The following LRRC4C variants were observed in gnomAD, a reference collection of about 807,000 sequenced individuals.
LRRC4C encodes the protein leucine rich repeat containing 4C.
A neutral mutation model predicts 33.6 loss-of-function variants in LRRC4C; 5 were observed. That is an observed-to-expected ratio of 0.15 (90% CI 0.08 to 0.31). The LOEUF (loss-of-function observed/expected upper bound fraction) is 0.31. Among genes scored for constraint, LRRC4C ranks in the 10% least tolerant of loss-of-function variants. The probability of loss-of-function intolerance (pLI) is 1.00; values close to 1 mark genes in which losing one functional copy is unlikely to be tolerated. For synonymous variants in LRRC4C, 329 were observed against 302.0 expected (o/e 1.09, Z -0.93); for missense variants, 560 against 796.7 (o/e 0.70, Z 3.58).
At position 41,006,380 on chromosome 11, in the gene LRRC4C, T is replaced by G. The variant is rs144230273; in HGVS notation, c.-495-72657A>C. ...TCAGAGTTGCAGAGTCTTACCCCAGTGCTGTGGCAACCACATAATTTGGCC... is the reference window on the plus strand; with the variant it reads ...TCAGAGTTGCAGAGTCTTACCCCAGGGCTGTGGCAACCACATAATTTGGCC... On this transcript the variant is annotated intron_variant, in intron 1 of 6. Coordinates refer to ENST00000528697, the MANE Select transcript of LRRC4C (RefSeq NM_001258419.2). Among the ~76,000 whole-genome samples, 610 of 152,316 alleles carry G rather than the reference T, an allele frequency of 4.0e-3. 3 individuals carry two copies. Among genetic ancestry groups the G allele is most frequent in the African/African-American group, 0.014 (580 of 41,572 alleles).
At chr11:40,131,692 A>G (rs1020302340) in intron 6 of LRRC4C, among the ~76,000 whole-genome samples, 5 of 152,192 alleles carry the variant, frequency 3.3e-5, no homozygotes, top group Non-Finnish European at 2.9e-5. Context: ...ATGAGTTAAT[A>G]TAGAAAGCTT....
Position 40,723,052 on chromosome 11 carries a change from A to T in LRRC4C, c.-406-74774T>A, listed in dbSNP as rs1027819262. Among the ~76,000 whole-genome samples the T allele has an allele frequency of 1.4e-4, 21 of 152,256 alleles. No homozygotes were observed. The South Asian group carries it at 4.1e-3, about 30-fold the overall frequency. On this transcript the variant is annotated intron_variant, in intron 2 of 6. Coordinates refer to ENST00000528697, the MANE Select transcript of LRRC4C (RefSeq NM_001258419.2). ...AAATCAATCTGATCAGACAAAAATA[A>T]AGAAAAAATAAATTTTTAAAAATGA...
At chr11:40,543,446 C>T (rs1565489699) in intron 3 of LRRC4C, among the ~76,000 whole-genome samples, 1 of 151,980 alleles carries the variant, frequency 6.6e-6, no homozygotes, top group Non-Finnish European at 1.5e-5. Context: ...TATTATAATT[C>T]TTGTGTTTGC....
intron 1 of LRRC4C, among the ~76,000 whole-genome samples, chr11:41,237,036 T>A (rs544868141): frequency 6.6e-6 from 1 of 152,322 alleles, no homozygotes; most frequent in South Asian, 2.1e-4. Flanking sequence ...AAAACTACAG[T>A]GCTTGCTCAT....
In LRRC4C at chr11:41,304,051, G is replaced by C. The variant is rs1197633742; in HGVS notation, c.-496+155380C>G. 2.1e-4 allele frequency among the ~76,000 whole-genome samples: 15 copies of C among 72,850 alleles called. 3 individuals carry two copies. Among genetic ancestry groups the C allele is most frequent in the Non-Finnish European group, 4.4e-4 (13 of 29,280 alleles). 47.8% of individuals were successfully genotyped at this position (72,850 alleles called of 152,430 possible). Reference sequence around the variant, plus strand: ...GCCCCATCCGGGAGGGAGGTGGGGGGTCAGCCCCCCGCCCAGCCAGCCACC... The same window carrying C: ...GCCCCATCCGGGAGGGAGGTGGGGGCTCAGCCCCCCGCCCAGCCAGCCACC... On this transcript the variant is annotated intron_variant, in intron 1 of 6. Coordinates refer to ENST00000528697, the MANE Select transcript of LRRC4C (RefSeq NM_001258419.2).
At chr11:41,022,420 CT>C (rs1856049947) in intron 1 of LRRC4C, among the ~76,000 whole-genome samples, 1 of 151,792 alleles carries the variant, frequency 6.6e-6, no homozygotes, top group Non-Finnish European at 1.5e-5. Context: ...GGAGATTTGC[CT>C]TTTACATAGA....
At chr11:40,391,703 A>T (rs1013936535) in intron 3 of LRRC4C, among the ~76,000 whole-genome samples, 1 of 152,178 alleles carries the variant, frequency 6.6e-6, no homozygotes, top group Non-Finnish European at 1.5e-5. Flanking sequence ...TTACCGGTCA[A>T]ATGTTGATAA....
At chr11:40,342,064 T>C (rs11035788) in intron 3 of LRRC4C, among the ~76,000 whole-genome samples, 24,112 of 151,954 alleles carry the variant, frequency 0.16, 2,265 homozygotes, top group East Asian at 0.3. Context: ...AGCCAAGTCA[T>C]ATGGTTGTCA....
intron 2 of LRRC4C, among the ~76,000 whole-genome samples, chr11:40,878,783 G>C (rs1955036953): frequency 6.6e-6 from 1 of 152,210 alleles, no homozygotes; most frequent in Admixed American, 6.5e-5. Flanking sequence ...GCTGTGTGGT[G>C]TCTCTGCCTT....
intron 3 of LRRC4C, among the ~76,000 whole-genome samples, chr11:40,554,422 A>G (rs1043707935): frequency 2.0e-5 from 3 of 152,132 alleles, no homozygotes; most frequent in African/African-American, 7.2e-5. Flanking sequence ...CTTTTTGCTT[A>G]TAATTGCTTT....
At chr11:40,987,852 G>C (rs2137196582) in intron 1 of LRRC4C, among the ~76,000 whole-genome samples, 1 of 151,766 alleles carries the variant, frequency 6.6e-6, no homozygotes, top group East Asian at 1.9e-4. Context: ...TTGAAAAATA[G>C]TGCCATGCTG....
intron 1 of LRRC4C, among the ~76,000 whole-genome samples, chr11:41,092,168 T>G (rs866385203): frequency 2.0e-5 from 3 of 152,318 alleles, no homozygotes; most frequent in Middle Eastern, 3.4e-3. Context: ...CCATTTTTTG[T>G]ATGGTTCAAT....
At chr11:40,501,599 A>T (rs1954775656) in intron 3 of LRRC4C, among the ~76,000 whole-genome samples, 1 of 152,138 alleles carries the variant, frequency 6.6e-6, no homozygotes, top group African/African-American at 2.4e-5. Flanking sequence ...CCTGATCTGT[A>T]CCTTGGCTCT....
At chr11:40,207,627 AG>A (rs1211372251) in intron 5 of LRRC4C, among the ~76,000 whole-genome samples, 1 of 152,220 alleles carries the variant, frequency 6.6e-6, no homozygotes, top group Non-Finnish European at 1.5e-5. Context: ...AGGAGAGTCA[AG>A]GGATGGCAAG....
chr11:40,975,514 C>T (rs1393573854), intron 1 of LRRC4C, among the ~76,000 whole-genome samples: 1 of 152,220 alleles, frequency 6.6e-6, no homozygotes, highest in Non-Finnish European at 1.5e-5. Flanking sequence ...GATGACTTTT[C>T]ATGATGAAGT....
At chr11:41,311,472 C>A (rs2922034) in intron 1 of LRRC4C, among the ~76,000 whole-genome samples, 4,067 of 152,022 alleles carry the variant, frequency 0.027, 67 homozygotes, top group Non-Finnish European at 0.042. Context: ...AGTTACATCA[C>A]ATAAACTACT....
intron 1 of LRRC4C, among the ~76,000 whole-genome samples, chr11:41,386,099 T>C (rs1034879274): frequency 1.3e-5 from 2 of 151,672 alleles, no homozygotes; most frequent in Non-Finnish European, 3.0e-5. Flanking sequence ...TTTATGTATG[T>C]ATATAATGTA....
intron 1 of LRRC4C, among the ~76,000 whole-genome samples, chr11:40,943,383 T>C (rs1440732576): frequency 6.6e-6 from 1 of 152,202 alleles, no homozygotes; most frequent in Non-Finnish European, 1.5e-5. Context: ...AAAACCCGTA[T>C]TCTTAACCAC....
At chr11:41,267,138 A>C (rs1949176460) in intron 1 of LRRC4C, among the ~76,000 whole-genome samples, 1 of 152,234 alleles carries the variant, frequency 6.6e-6, no homozygotes, top group African/African-American at 2.4e-5. Context: ...TCACACTGAG[A>C]AGTATTATAA....
Sources: gnomAD v4.1 joint callset for allele counts (sites outside exome capture counted in the v4.1 genomes callset) on GRCh38, gnomAD v4.1.1 for gene constraint, MANE v1.5 for transcripts, NCBI Gene and HGNC (gene_info 2026-07-23, HGNC 2026-07-21) for gene names.